The following SLC5A10 variants were observed in gnomAD, a reference collection of about 807,000 sequenced individuals.
The protein encoded by SLC5A10 is solute carrier family 5 member 10, also known as sodium/mannose cotransporter SLC5A10.
A neutral mutation model predicts 68.9 loss-of-function variants in SLC5A10; 55 were observed. The ratio of observed to expected loss-of-function variants is 0.80; its 90% CI spans 0.64 to 1.00. The LOEUF (loss-of-function observed/expected upper bound fraction) is 1.00, where lower values mean the gene tolerates loss of function less well. Ranked by LOEUF, SLC5A10 falls within the 50% of genes least tolerant of loss-of-function variation. The pLI is 0.00. For synonymous variants in SLC5A10, 344 were observed against 344.8 expected (o/e 1.00, Z 0.02); for missense variants, 732 against 819.3 (o/e 0.89, Z 1.30).
At chr17:18,969,901 G>C (rs1471493457) in intron 7 of SLC5A10, 2 of 155,226 alleles carry the variant, frequency 1.3e-5, no homozygotes, top group African/African-American at 4.8e-5. Context: ...ATACTAGTCT[G>C]GAACAGATAG....
intron 1 of SLC5A10, chr17:18,953,765 A>G (rs1370647036): frequency 1.3e-5 from 2 of 152,710 alleles, no homozygotes; most frequent in African/African-American, 4.8e-5. Flanking sequence ...GAACACCAAC[A>G]TGATGCTCAA....
chr17:18,970,898 A>T, intron 7 of SLC5A10, 115 bp from the exon 8 acceptor site: 1 of 961,094 alleles, frequency 1.0e-6, no homozygotes, highest in Non-Finnish European at 1.6e-6. Context: ...TGAGGTGGAA[A>T]AAACTCAAGT....
intron 9 of SLC5A10, among the ~76,000 whole-genome samples, chr17:19,012,823 G>C (rs1376720871): frequency 6.6e-6 from 1 of 152,240 alleles, no homozygotes; most frequent in Non-Finnish European, 1.5e-5. Flanking sequence ...GTGTGGATGG[G>C]CTCTGACCCC....
chr17:18,952,108 G>T (rs1373461773), upstream of SLC5A10: 3 of 1,502,828 alleles, frequency 2.0e-6, no homozygotes, highest in Non-Finnish European at 2.7e-6. Context: ...TGTCCGCTTG[G>T]TTTAATGATC....
At chr17:18,965,336 G>C (rs898675154) in intron 5 of SLC5A10, among the ~76,000 whole-genome samples, 1 of 152,184 alleles carries the variant, frequency 6.6e-6, no homozygotes, top group African/African-American at 2.4e-5. Flanking sequence ...AGGCTCAGGG[G>C]CAGAGGACAC....
Position 18,969,082 on chromosome 17 carries a change from C to T in SLC5A10, c.484C>T (p.His162Tyr). 1.2e-6 allele frequency: 2 copies of T among 1,614,058 alleles called. No homozygotes were observed. The highest frequency in any genetic ancestry group is 8.5e-7 in the Non-Finnish European group (1 of 1,179,976). ...LDLYAGALFV[H>Y]ICLGWNFYLS... ...CCTGTACGCGGGGGCTCTGTTTGTG[C>T]ACATCTGCCTGGGCTGGAACTTCTA... The change falls in exon 6 of 15, where the codon CAC (histidine) becomes TAC (tyrosine). Residue 162 changes from histidine to tyrosine, a missense_variant. Coordinates refer to ENST00000395645, the MANE Select transcript of SLC5A10 (RefSeq NM_001042450.4).
At chr17:19,005,649 C>A (rs1299004147) in intron 9 of SLC5A10, among the ~76,000 whole-genome samples, 1 of 151,642 alleles carries the variant, frequency 6.6e-6, no homozygotes, top group Non-Finnish European at 1.5e-5. Context: ...GCCCTCAAAC[C>A]CCCCCCCTCC....
rs913718591 is a variant in SLC5A10 at position 18,977,518 on chromosome 17, C to T, written c.982+529C>T. The T allele has an allele frequency of 6.1e-6, 9 of 1,482,942 alleles. No homozygotes were observed. In the East Asian group the frequency reaches 1.8e-4, roughly 30 times the overall value. The allele number at this position is 1,482,942 out of a possible 1,614,324, so 91.9% of individuals were successfully genotyped here. A position where few individuals can be genotyped will look rare whatever the true frequency, so the allele number is the denominator to read the frequency against. ...GACATGGTAGCCCAGAAGACAACAG[C>T]TCGAGCTCTTGGGTGGCTGGCAGGG... On this transcript the variant is annotated intron_variant, in intron 9 of 14. Coordinates refer to ENST00000395645, the MANE Select transcript of SLC5A10 (RefSeq NM_001042450.4).
intron 4 of SLC5A10, 49 bp from the exon 5 acceptor site, chr17:18,960,499 C>T: frequency 6.5e-7 from 1 of 1,537,216 alleles, no homozygotes; most frequent in South Asian, 1.1e-5. Context: ...GCCTGGAGCC[C>T]TGGGCATCAT....
chr17:18,973,594 C>T (rs574633992), intron 8 of SLC5A10, among the ~76,000 whole-genome samples: 2 of 152,228 alleles, frequency 1.3e-5, no homozygotes, highest in Non-Finnish European at 1.5e-5. Context: ...TTTAGGGGCA[C>T]CTAGAGGTCT....
chr17:18,976,276 C>T (rs560487564), intron 8 of SLC5A10: 1 of 152,500 alleles, frequency 6.6e-6, no homozygotes, highest in African/African-American at 2.4e-5. Context: ...CCGCTCCCTC[C>T]TCCCATTCTG....
rs1250744370 is a variant in SLC5A10, at chr17:19,017,437, G to A, written c.1242-1986G>A. The A allele has an allele frequency of 3.3e-6, 5 of 1,523,682 alleles. No individual in the cohort carries two copies. The highest frequency in any genetic ancestry group is 1.7e-4 in the Middle Eastern group (1 of 5,920). The allele number at this position is 1,523,682 out of a possible 1,614,324, so 94.4% of individuals were successfully genotyped here. ...ACAACAGTCTCTGTCAGGGAGAGGC[G>A]AGGCTTACAGAGAGAAGACCAACAG... On this transcript the variant is annotated intron_variant, in intron 11 of 14. Transcript: ENST00000395645. The surrounding 1 kb of genome is among the most constrained non-coding windows in gnomAD (Gnocchi z 5.6).
intron 1 of SLC5A10, chr17:18,953,587 C>T (rs2042421833): frequency 6.6e-6 from 1 of 152,628 alleles, no homozygotes; most frequent in Admixed American, 6.5e-5. Flanking sequence ...ATCAAGGGGC[C>T]CACACAGGAC....
intron 9 of SLC5A10, among the ~76,000 whole-genome samples, chr17:18,994,651 C>G (rs2043518743): frequency 6.6e-6 from 1 of 152,198 alleles, no homozygotes; most frequent in African/African-American, 2.4e-5. Flanking sequence ...CCAGCCAGAA[C>G]AGAAACCCCT....
At chr17:18,984,634 A>C (rs1465897802) in intron 9 of SLC5A10, among the ~76,000 whole-genome samples, 1 of 152,204 alleles carries the variant, frequency 6.6e-6, no homozygotes, top group Non-Finnish European at 1.5e-5. Flanking sequence ...GCACGAAGTC[A>C]ACTGGCTTTT....
intron 7 of SLC5A10, chr17:18,970,503 T>C (rs1344307264): frequency 7.0e-5 from 12 of 172,220 alleles, no homozygotes; most frequent in Non-Finnish European, 1.3e-5. Flanking sequence ...CCCATCCCTC[T>C]CTGGACCTGT....
chr17:18,995,126 C>A (rs1884640474), intron 9 of SLC5A10, among the ~76,000 whole-genome samples: 1 of 152,064 alleles, frequency 6.6e-6, no homozygotes, highest in South Asian at 2.1e-4. Flanking sequence ...TTAAAAATTA[C>A]CAGACACACA....
intron 8 of SLC5A10, among the ~76,000 whole-genome samples, chr17:18,972,348 G>A (rs2042875812): frequency 6.6e-6 from 1 of 152,248 alleles, no homozygotes; most frequent in Admixed American, 6.5e-5. Context: ...TCTGTGGAAT[G>A]AACGATCACA....
At chr17:19,020,074 T>A in intron 13 of SLC5A10, 81 bp from the exon 14 acceptor site, 1 of 1,476,568 alleles carries the variant, frequency 6.8e-7, no homozygotes, top group South Asian at 1.2e-5. Context: ...CATCTTGCCA[T>A]CCCCAACCTT....
Sources: gnomAD v4.1 joint callset for allele counts (sites outside exome capture counted in the v4.1 genomes callset) on GRCh38, gnomAD v4.1.1 for gene constraint, Gnocchi (gnomAD v3.1) non-coding constraint, MANE v1.5 for transcripts, NCBI Gene and HGNC (gene_info 2026-07-23, HGNC 2026-07-21) for gene names.